AEBP1: variants seen among roughly 807,000 people sequenced by gnomAD.
AEBP1 encodes the protein AE binding protein 1.
Under a neutral mutation model 116.5 loss-of-function variants are expected in AEBP1, and 69 were observed. The observed-to-expected ratio is 0.59, with a 90% CI of 0.49 to 0.72. The LOEUF (loss-of-function observed/expected upper bound fraction) is 0.72, where lower values mean the gene tolerates loss of function less well. AEBP1 is among the 30% of genes least tolerant of loss of function. The probability of loss-of-function intolerance (pLI) is 0.00; values close to 1 mark genes in which losing one functional copy is unlikely to be tolerated. For missense variants in AEBP1, 1,444 were observed against 1,557.5 expected, an observed-to-expected ratio of 0.93 and a Z score of 1.23; for synonymous variants, 627 against 627.3, an observed-to-expected ratio of 1.00 and a Z score of 0.01.
chr7:44,109,779 G>A (rs949896681), intron 9 of AEBP1: 1 of 586,912 alleles, frequency 1.7e-6, no homozygotes, highest in Non-Finnish European at 3.1e-6. Context: ...TCCAGATGGG[G>A]CAGCTGAGGC....
In AEBP1 at chr7:44,107,816, C is replaced by G; in HGVS notation, c.747C>G (p.Tyr249Ter). The G allele has an allele frequency of 6.2e-7, 1 of 1,611,844 alleles. No individual in the cohort carries two copies. Among genetic ancestry groups the G allele is most frequent in the Non-Finnish European group, 8.5e-7 (1 of 1,179,456 alleles). The change falls in exon 5 of 21, where the codon TAC (tyrosine) becomes TAG (stop). Residue 249 changes from tyrosine to a stop codon, truncating the protein, a stop_gained. Coordinates refer to ENST00000223357, the MANE Select transcript of AEBP1 (RefSeq NM_001129.5). LOFTEE classifies it high-confidence loss of function. This position sits in a 1 kb window ranked among gnomAD's most constrained non-coding sequence, Gnocchi z 4.3. ...IEREDYEDFE[Y>*]IRRQKQPRPP... is the part of the protein sequence containing the mutation. ...AGCCAGCCTCCCCCTCAGTTGAGTA[C>G]ATTCGGCGCCAGAAGCAACCCAGGC...
chr7:44,112,288 C>T lies in AEBP1; in HGVS notation c.2184C>T (p.Pro728=). The part of the protein sequence containing the change: ...VPYRVPNNNL[P]IPERYLSPDA... The stretch of plus-strand genomic sequence containing the variant: ...ACCGGGTCCCCAACAATAACTTGCC[C>T]ATCCCTGAACGCTACCTTTCGCCAG... The change falls in exon 17 of 21, where the codon CCC becomes CCT. Residue 728 remains proline, a synonymous_variant. Transcript: ENST00000223357. This position sits in a 1 kb window ranked among gnomAD's most constrained non-coding sequence, Gnocchi z 6.6. 1.3e-6 allele frequency: 2 copies of T among 1,571,492 alleles called. No individual in the cohort carries two copies. The highest frequency in any genetic ancestry group is 1.7e-6 in the Non-Finnish European group (2 of 1,155,748).
intron 1 of AEBP1, 24 bp from the exon 2 acceptor site, chr7:44,106,522 G>C (rs2096223018): frequency 6.4e-7 from 1 of 1,562,018 alleles, no homozygotes; most frequent in East Asian, 2.3e-5. Flanking sequence ...CTGTTCATTT[G>C]ACACGAGTCT....
Position 44,112,944 on chromosome 7 carries a change from T to G in AEBP1, c.2569+35T>G. 1 of 1,612,602 alleles carries G rather than the reference T, an allele frequency of 6.2e-7. No individual in the cohort carries two copies. Among genetic ancestry groups the G allele is most frequent in the Non-Finnish European group, 8.5e-7 (1 of 1,179,132 alleles). On this transcript the variant is annotated intron_variant, in intron 18 of 20. Transcript: ENST00000223357. The surrounding 1 kb of genome is among the most constrained non-coding windows in gnomAD (Gnocchi z 6.6). ...CCTGGGAGGGGCTGTGGGCGGGGCC[T>G]GGTCCGGAGAGGGGCTGACTTTGGG...
chr7:44,106,346 C>A (rs2096222889), intron 1 of AEBP1, 200 bp from the exon 2 acceptor site: 6 of 720,430 alleles, frequency 8.3e-6, no homozygotes, highest in Non-Finnish European at 1.2e-5. Context: ...TTGGTGGTCA[C>A]AGCCCCAGAC....
intron 1 of AEBP1, among the ~76,000 whole-genome samples, chr7:44,105,806 A>C (rs117005360): frequency 1.4e-3 from 212 of 151,990 alleles, no homozygotes; most frequent in Non-Finnish European, 2.5e-3. Flanking sequence ...CCCACCTCTC[A>C]TCAGGTTCTC....
At position 44,108,221 on chromosome 7, in the gene AEBP1, T is replaced by C. The variant is rs1043132640; in HGVS notation, c.940+137T>C. The C allele has an allele frequency of 8.7e-6, 7 of 806,492 alleles. No individual in the cohort carries two copies. The highest frequency in any genetic ancestry group is 6.8e-5 in the African/African-American group (4 of 58,836). 50.0% of individuals were successfully genotyped at this position (806,492 alleles called of 1,614,324 possible). A position where few individuals can be genotyped will look rare whatever the true frequency, so the allele number is the denominator to read the frequency against. ...CCCGTGGTTACCTCGCTGTCCCTGC[T>C]GTCCCTGCGTGCCCACCCCAGCCAC... is the stretch of plus-strand genomic sequence containing the variant. On this transcript the variant is annotated intron_variant, in intron 6 of 20. Coordinates refer to ENST00000223357, the MANE Select transcript of AEBP1 (RefSeq NM_001129.5). The surrounding 1 kb of genome is among the most constrained non-coding windows in gnomAD (Gnocchi z 5.0).
chr7:44,114,449 G>A lies in AEBP1; in HGVS notation c.*188G>A. The stretch of plus-strand genomic sequence containing the variant: ...CTGGGACCTAAGAGCCAGAGGCTGT[G>A]TAGAGGCTCCTGCTCCACCTGCCAG... On this transcript the variant is annotated 3_prime_UTR_variant, in exon 21 of 21. Transcript: ENST00000223357. 1 of 688,286 alleles carries A rather than the reference G, an allele frequency of 1.5e-6. No individual in the cohort carries two copies. The highest frequency in any genetic ancestry group is 2.4e-6 in the Non-Finnish European group (1 of 417,106). 42.6% of individuals were successfully genotyped at this position (688,286 alleles called of 1,614,324 possible). A position where few individuals can be genotyped will look rare whatever the true frequency, so the allele number is the denominator to read the frequency against.
In AEBP1 at chr7:44,110,043, C is replaced by G. The variant is rs1280751381; in HGVS notation, c.1179C>G (p.His393Gln). The part of the protein sequence containing the change: ...VKCPPIGMES[H>Q]RIEDNQIRAS... ...GTCCCCCCATTGGGATGGAGTCACA[C>G]CGTATTGAGGACAACCAGATCCGAG... Residue 393 changes from histidine to glutamine, a missense_variant, in exon 10 of 21, where the codon CAC becomes CAG. His to Gln is a conservative substitution (Grantham distance 24). Coordinates refer to ENST00000223357, the MANE Select transcript of AEBP1 (RefSeq NM_001129.5). 1.9e-6 allele frequency: 3 copies of G among 1,612,884 alleles called. No homozygotes were observed. The highest frequency in any genetic ancestry group is 2.5e-6 in the Non-Finnish European group (3 of 1,179,986).
At chr7:44,106,075 T>C in intron 1 of AEBP1, 1 of 408,946 alleles carries the variant, frequency 2.4e-6, no homozygotes, top group African/African-American at 2.1e-5. Flanking sequence ...TCCCTTTTCT[T>C]TGAAGCTTTT....
In AEBP1 at chr7:44,112,615, G is replaced by C. The variant is rs766689917; in HGVS notation, c.2275G>C (p.Gly759Arg). 6.2e-7 allele frequency: 1 copy of C among 1,608,880 alleles called. No homozygotes were observed. The highest frequency in any genetic ancestry group is 8.5e-7 in the Non-Finnish European group (1 of 1,176,166). ...AWMEKNPFVL[G>R]ANLNGGERLV... Reference sequence around the variant, plus strand: ...GATGGAGAAGAACCCCTTCGTGCTGGGAGCAAATCTGAACGGCGGCGAGCG... The same window carrying C: ...GATGGAGAAGAACCCCTTCGTGCTGCGAGCAAATCTGAACGGCGGCGAGCG... Residue 759 changes from glycine to arginine, a missense_variant, in exon 18 of 21, where the codon GGA becomes CGA. Physicochemically the swap from Gly to Arg is moderately radical, Grantham distance 125. Coordinates refer to ENST00000223357, the MANE Select transcript of AEBP1 (RefSeq NM_001129.5). This position sits in a 1 kb window ranked among gnomAD's most constrained non-coding sequence, Gnocchi z 6.6.
chr7:44,114,461 G>T lies in AEBP1; in HGVS notation c.*200G>T, dbSNP rs2096234682. On this transcript the variant is annotated 3_prime_UTR_variant, in exon 21 of 21. Coordinates refer to ENST00000223357, the MANE Select transcript of AEBP1 (RefSeq NM_001129.5). ...AGCCAGAGGCTGTGTAGAGGCTCCT[G>T]CTCCACCTGCCAGTCTCGTAAGAGA... 2 of 657,218 alleles carry T rather than the reference G, an allele frequency of 3.0e-6. No homozygotes were observed. The highest frequency in any genetic ancestry group is 5.1e-6 in the Non-Finnish European group (2 of 390,112). 40.7% of individuals were successfully genotyped at this position (657,218 alleles called of 1,614,324 possible).
Position 44,111,207 on chromosome 7 carries a change from T to A in AEBP1, c.1684T>A (p.Phe562Ile). 2 of 1,515,020 alleles carry A rather than the reference T, an allele frequency of 1.3e-6. No homozygotes were observed. The highest frequency in any genetic ancestry group is 1.8e-6 in the Non-Finnish European group (2 of 1,130,620). 93.8% of individuals were successfully genotyped at this position (1,515,020 alleles called of 1,614,324 possible). Reference sequence around the variant, plus strand: ...GGTGGTGGCCACCGATGACCTGGATTTCCGGCACCACAGCTACAAGGACAT... The same window carrying A: ...GGTGGTGGCCACCGATGACCTGGATATCCGGCACCACAGCTACAAGGACAT... ...NEVVATDDLD[F>I]RHHSYKDMRQ... The change falls in exon 14 of 21, where the codon TTC becomes ATC. Residue 562 changes from phenylalanine to isoleucine, a missense_variant. Coordinates refer to ENST00000223357, the MANE Select transcript of AEBP1 (RefSeq NM_001129.5). This position sits in a 1 kb window ranked among gnomAD's most constrained non-coding sequence, Gnocchi z 4.7.
At position 44,107,521 on chromosome 7, in the gene AEBP1, G is replaced by A. The variant is rs199888866; in HGVS notation, c.667+11G>A. 163 of 1,613,300 alleles carry A rather than the reference G, an allele frequency of 1.0e-4. 1 individual carries two copies. Among genetic ancestry groups the A allele is most frequent in the Non-Finnish European group, 1.2e-4 (147 of 1,179,944 alleles). On this transcript the variant is annotated intron_variant, in intron 3 of 20. Coordinates refer to ENST00000223357, the MANE Select transcript of AEBP1 (RefSeq NM_001129.5). The surrounding 1 kb of genome is among the most constrained non-coding windows in gnomAD (Gnocchi z 4.3). Reference sequence around the variant, plus strand: ...GGGAGCACCAGCCTGGTGAGTGGCCGTCATCCGCCTGGCCTTGGGGCCAGC... The same window carrying A: ...GGGAGCACCAGCCTGGTGAGTGGCCATCATCCGCCTGGCCTTGGGGCCAGC...
At position 44,106,801 on chromosome 7, in the gene AEBP1, C is replaced by T. The variant is rs754738284; in HGVS notation, c.509C>T (p.Pro170Leu). The T allele has an allele frequency of 5.0e-6, 8 of 1,611,114 alleles. No individual in the cohort carries two copies. In the South Asian group the frequency reaches 7.7e-5, roughly 16 times the overall value. Residue 170 changes from proline to leucine, a missense_variant, in exon 2 of 21, where the codon CCC becomes CTC. Pro to Leu is a moderately conservative substitution (Grantham distance 98). Transcript: ENST00000223357. Reference sequence around the variant, plus strand: ...AAGAAGCCCCCGTCAGGGAAGAGGCCCCCCATTCTGGCTCCCTCAGAAACC... The same window carrying T: ...AAGAAGCCCCCGTCAGGGAAGAGGCTCCCCATTCTGGCTCCCTCAGAAACC... ...ATKKPPSGKR[P>L]PILAPSETLE...
chr7:44,111,905 G>A lies in AEBP1; in HGVS notation c.1892G>A (p.Gly631Asp). The change falls in exon 16 of 21, where the codon GGC becomes GAC. Residue 631 changes from glycine to aspartate, a missense_variant. Coordinates refer to ENST00000223357, the MANE Select transcript of AEBP1 (RefSeq NM_001129.5). The surrounding 1 kb of genome is among the most constrained non-coding windows in gnomAD (Gnocchi z 4.7). Reference sequence around the variant, plus strand: ...GGGATCCATGGCAACGAGGTGCTGGGCCGAGAGCTGTTGCTGCTGCTCATG... The same window carrying A: ...GGGATCCATGGCAACGAGGTGCTGGACCGAGAGCTGTTGCTGCTGCTCATG... Reference protein sequence around the residue: ...TAGIHGNEVLGRELLLLLMQY... With the variant: ...TAGIHGNEVLDRELLLLLMQY... The A allele has an allele frequency of 6.2e-7, 1 of 1,613,774 alleles. No individual in the cohort carries two copies. The highest frequency in any genetic ancestry group is 1.1e-5 in the South Asian group (1 of 91,080).
At position 44,109,198 on chromosome 7, in the gene AEBP1, G is replaced by C. The variant is rs1377939456; in HGVS notation, c.1096+14G>C. ...AGGACCACAAAGGTGTGTGGCTGGG[G>C]CTTGGGGCCTGGGTCCCTGTGGGGC... On this transcript the variant is annotated intron_variant, in intron 8 of 20. Coordinates refer to ENST00000223357, the MANE Select transcript of AEBP1 (RefSeq NM_001129.5). 2.5e-6 allele frequency: 4 copies of C among 1,613,474 alleles called. No individual in the cohort carries two copies. The highest frequency in any genetic ancestry group is 3.4e-6 in the Non-Finnish European group (4 of 1,179,882).
intron 9 of AEBP1, 66 bp from the exon 10 acceptor site, chr7:44,109,949 G>C (rs964252824): frequency 6.9e-7 from 1 of 1,451,336 alleles, no homozygotes; most frequent in African/African-American, 1.4e-5. Context: ...TGGGCTCCTT[G>C]GTTCTGGGTT....
rs73693651 is a variant in AEBP1, at chr7:44,110,650, G to A, written c.1401-75G>A. ...GCTAGCTCTTAAATTCTTGGGGCTC[G>A]GAAGAGGGAGGCTCAGGCCACCTGA... On this transcript the variant is annotated intron_variant, in intron 11 of 20. Transcript: ENST00000223357. 4,145 of 1,338,790 alleles carry A rather than the reference G, an allele frequency of 3.1e-3. 63 individuals carry two copies. In the African/African-American group the frequency reaches 0.04, roughly 13 times the overall value. 82.9% of individuals were successfully genotyped at this position (1,338,790 alleles called of 1,614,324 possible).
Sources: allele counts gnomAD v4.1 joint callset (sites outside exome capture counted in the v4.1 genomes callset), GRCh38; gene constraint gnomAD v4.1.1; non-coding constraint Gnocchi (gnomAD v3.1); transcripts MANE v1.5; gene names NCBI Gene and HGNC (gene_info 2026-07-23, HGNC 2026-07-21).